The following TANC2 variants were observed in gnomAD, a reference collection of about 807,000 sequenced individuals.
The protein encoded by TANC2 is tetratricopeptide repeat, ankyrin repeat and coiled-coil containing 2.
TANC2 carries 26 observed loss-of-function variants against 210.5 expected under a neutral mutation model. The ratio of observed to expected loss-of-function variants is 0.12; its 90% confidence interval spans 0.09 to 0.17. TANC2 has a LOEUF of 0.17. Among genes scored for constraint, TANC2 ranks in the 10% least tolerant of loss-of-function variants. TANC2 has a pLI of 1.00. For synonymous variants in TANC2, 931 were observed against 967.1 expected, an observed-to-expected ratio of 0.96 and a Z score of 0.69; for missense variants, 2,129 against 2,608.9, an observed-to-expected ratio of 0.82 and a Z score of 4.01.
intron 9 of TANC2, among the ~76,000 whole-genome samples, chr17:63,269,950 T>C (rs2043647459): frequency 1.3e-5 from 2 of 152,228 alleles, no homozygotes; most frequent in South Asian, 2.1e-4. Context: ...TCTTAACTTA[T>C]TGTTTACATT....
At chr17:63,147,727 C>T (rs1197418545) in intron 4 of TANC2, among the ~76,000 whole-genome samples, 3 of 152,110 alleles carry the variant, frequency 2.0e-5, no homozygotes, top group Non-Finnish European at 2.9e-5. Flanking sequence ...CATTCTGTAC[C>T]ACATATTTAT....
At chr17:63,413,509 G>GT (rs1294808641) in intron 24 of TANC2, 34 bp from the exon 25 acceptor site, 2 of 1,540,250 alleles carry the variant, frequency 1.3e-6, no homozygotes, top group Non-Finnish European at 8.8e-7. Flanking sequence ...CATTGTATGA[G>GT]TTTTTTACCC....
intron 11 of TANC2, among the ~76,000 whole-genome samples, chr17:63,320,925 G>A (rs1325214721): frequency 3.9e-5 from 6 of 152,030 alleles, no homozygotes; most frequent in East Asian, 1.9e-4. Flanking sequence ...CTGGCTGGGC[G>A]CAGTGGCTCA....
chr17:63,170,593 T>G (rs1052075481), intron 5 of TANC2, among the ~76,000 whole-genome samples: 1 of 152,190 alleles, frequency 6.6e-6, no homozygotes, highest in African/African-American at 2.4e-5. Flanking sequence ...TACTAAAGTA[T>G]GTAAAAGTAT....
intron 15 of TANC2, among the ~76,000 whole-genome samples, chr17:63,380,697 C>T (rs573583448): frequency 1.3e-5 from 2 of 152,276 alleles, no homozygotes; most frequent in African/African-American, 4.8e-5. Context: ...AGGCTTCCCC[C>T]ACAGGATATT....
intron 4 of TANC2, among the ~76,000 whole-genome samples, chr17:63,126,135 G>A (rs1485258387): frequency 6.6e-6 from 1 of 152,162 alleles, no homozygotes; most frequent in African/African-American, 2.4e-5. Flanking sequence ...TTATTATTTA[G>A]TATTTGTGTG....
At chr17:63,083,442 G>GA (rs1431688840) in intron 3 of TANC2, among the ~76,000 whole-genome samples, 3 of 151,848 alleles carry the variant, frequency 2.0e-5, no homozygotes, top group African/African-American at 7.3e-5. Flanking sequence ...GGGGGAAAGG[G>GA]AAAAAAAGGG....
intron 1 of TANC2, among the ~76,000 whole-genome samples, chr17:62,977,615 CT>C (rs1285935181): frequency 6.6e-6 from 1 of 152,004 alleles, no homozygotes; most frequent in Non-Finnish European, 1.5e-5. Context: ...TATTTCTCCC[CT>C]ATCCCCTAAC....
At chr17:63,183,728 G>C (rs1400153243) in intron 5 of TANC2, among the ~76,000 whole-genome samples, 3 of 152,106 alleles carry the variant, frequency 2.0e-5, no homozygotes, top group African/African-American at 7.2e-5. Context: ...TTTAAAAAAA[G>C]AAATGCAGGC....
At chr17:63,207,580 C>T (rs148684220) in intron 7 of TANC2, among the ~76,000 whole-genome samples, 2,414 of 152,188 alleles carry the variant, frequency 0.016, 59 homozygotes, top group African/African-American at 0.055. Flanking sequence ...TTTTAGTCTG[C>T]TTGTTTTTAT....
intron 15 of TANC2, chr17:63,381,339 G>A (rs1398888422): frequency 6.6e-6 from 1 of 152,184 alleles, no homozygotes; most frequent in East Asian, 1.9e-4. Context: ...ATACTCTAGT[G>A]TACAGCATAT....
At chr17:62,983,142 T>C (rs541123837) in intron 1 of TANC2, among the ~76,000 whole-genome samples, 8 of 152,232 alleles carry the variant, frequency 5.3e-5, no homozygotes, top group African/African-American at 1.2e-4. Flanking sequence ...TATTTCGTAG[T>C]TTTTCTTATA....
chr17:63,072,293 G>A (rs989266716), intron 2 of TANC2, among the ~76,000 whole-genome samples: 1 of 152,050 alleles, frequency 6.6e-6, no homozygotes, highest in Non-Finnish European at 1.5e-5. Context: ...ATACAGTTAA[G>A]AAGGATTGTA....
intron 2 of TANC2, among the ~76,000 whole-genome samples, chr17:63,032,284 C>T (rs1248485383): frequency 1.3e-5 from 2 of 152,054 alleles, no homozygotes; most frequent in East Asian, 3.9e-4. Context: ...GGTCTGGTGT[C>T]CACCCTTTGA....
intron 1 of TANC2, among the ~76,000 whole-genome samples, chr17:63,003,715 G>A (rs184131670): frequency 7.2e-5 from 11 of 152,242 alleles, no homozygotes; most frequent in Admixed American, 2.6e-4. Flanking sequence ...TGTTATATAT[G>A]TTTTGTGAAT....
At chr17:63,324,594 C>T (rs1251523012) in intron 11 of TANC2, among the ~76,000 whole-genome samples, 1 of 152,034 alleles carries the variant, frequency 6.6e-6, no homozygotes, top group Non-Finnish European at 1.5e-5. Context: ...GAAATGAGAT[C>T]CAAACTAAAC....
chr17:63,191,490 TC>T (rs1347590480), intron 5 of TANC2, among the ~76,000 whole-genome samples: 1 of 152,008 alleles, frequency 6.6e-6, no homozygotes, highest in African/African-American at 2.4e-5. Flanking sequence ...TCAGACAGGA[TC>T]TTGCTCTGTT....
At chr17:63,027,092 A>G (rs2034582778) in intron 2 of TANC2, among the ~76,000 whole-genome samples, 1 of 152,192 alleles carries the variant, frequency 6.6e-6, no homozygotes. Context: ...AATTTAAAAT[A>G]GTGGTTTCTT....
chr17:62,975,555 A>G (rs113408805), intron 1 of TANC2, among the ~76,000 whole-genome samples: 3 of 140,772 alleles, frequency 2.1e-5, no homozygotes, highest in African/African-American at 7.8e-5. Context: ...TTTTTTTTTA[A>G]TTTTTTTTTT....
Sources: allele counts gnomAD v4.1 joint callset (sites outside exome capture counted in the v4.1 genomes callset), GRCh38; gene constraint gnomAD v4.1.1; transcripts MANE v1.5; gene names NCBI Gene and HGNC (gene_info 2026-07-23, HGNC 2026-07-21).